NCOR2: variants seen among roughly 807,000 people sequenced by gnomAD.
The protein encoded by NCOR2 is nuclear receptor corepressor 2, also known as CTG repeat protein 26.
In NCOR2, 81 loss-of-function variants were observed where a neutral mutation model predicts 262.9. The ratio of observed to expected loss-of-function variants is 0.31; its 90% CI spans 0.26 to 0.37. The LOEUF (loss-of-function observed/expected upper bound fraction) is 0.37. NCOR2 is among the 10% of genes least tolerant of loss of function. NCOR2 has a pLI of 1.00. For synonymous variants in NCOR2, 1,659 were observed against 1,559.3 expected (o/e 1.06, Z -1.51); for missense variants, 3,385 against 3,621.4 (o/e 0.93, Z 1.68).
At chr12:124,551,236 G>A (rs1033392146) in intron 1 of NCOR2, among the ~76,000 whole-genome samples, 3 of 152,178 alleles carry the variant, frequency 2.0e-5, no homozygotes, top group Admixed American at 6.5e-5. Context: ...ACTCAGGTCT[G>A]CCGCTTGTCT....
intron 8 of NCOR2, among the ~76,000 whole-genome samples, chr12:124,435,621 T>C (rs1286859147): frequency 6.6e-6 from 1 of 152,106 alleles, no homozygotes; most frequent in African/African-American, 2.4e-5. Flanking sequence ...AGCCAGGACC[T>C]CCTGCCCCAG....
chr12:124,562,521 G>A (rs550169304), intron 1 of NCOR2, among the ~76,000 whole-genome samples: 75 of 145,834 alleles, frequency 5.1e-4, no homozygotes, highest in Non-Finnish European at 7.1e-4. Flanking sequence ...CCCCCACCCC[G>A]TCCTCCCCAC....
intron 4 of NCOR2, among the ~76,000 whole-genome samples, chr12:124,470,778 T>C (rs541050897): frequency 3.9e-5 from 6 of 152,318 alleles, no homozygotes; most frequent in Non-Finnish European, 7.3e-5. Context: ...TGCCACTGAA[T>C]TGTGCACTTT....
intron 1 of NCOR2, among the ~76,000 whole-genome samples, chr12:124,506,407 G>T (rs911774692): frequency 2.0e-5 from 3 of 152,110 alleles, no homozygotes; most frequent in Non-Finnish European, 4.4e-5. Flanking sequence ...GTTCCTGTCC[G>T]CTGGACGGCA....
Position 124,549,391 on chromosome 12 carries a change from G to T in NCOR2, c.-164-13780C>A, listed in dbSNP as rs780394865. ...AAGCCGCCTGCTCAGGTTCACGTTC[G>T]GGATCAAATGAACCCACTTAATCCC... On this transcript the variant is annotated intron_variant, in intron 1 of 32. Transcript: ENST00000458234. The surrounding 1 kb of genome is among the most constrained non-coding windows in gnomAD (Gnocchi z 4.4). Among the ~76,000 whole-genome samples the T allele has an allele frequency of 6.6e-6, 1 of 152,122 alleles. No individual in the cohort carries two copies. The highest frequency in any genetic ancestry group is 6.6e-5 in the Admixed American group (1 of 15,266).
At position 124,378,451 on chromosome 12, in the gene NCOR2, C is replaced by T; in HGVS notation, c.2020-67G>A. 6.7e-7 allele frequency: 1 copy of T among 1,488,324 alleles called. No homozygotes were observed. 92.2% of individuals were successfully genotyped at this position (1,488,324 alleles called of 1,614,324 possible). A position where few individuals can be genotyped will look rare whatever the true frequency, so the allele number is the denominator to read the frequency against. On this transcript the variant is annotated intron_variant, in intron 17 of 46. Coordinates refer to ENST00000405201, the Ensembl canonical transcript of NCOR2. The surrounding 1 kb of genome is among the most constrained non-coding windows in gnomAD (Gnocchi z 4.2). Reference sequence around the variant, plus strand: ...CTGTCAGCTCGGGGACTCCCCATGCCTGGGGCCTCGCCGCAGGTGCAAAGG... The same window carrying T: ...CTGTCAGCTCGGGGACTCCCCATGCTTGGGGCCTCGCCGCAGGTGCAAAGG...
At chr12:124,567,086 G>A (rs2052270010) in intron 1 of NCOR2, among the ~76,000 whole-genome samples, 5 of 151,998 alleles carry the variant, frequency 3.3e-5, no homozygotes, top group African/African-American at 1.2e-4. Flanking sequence ...CCTCGCTAGG[G>A]AGCTGGAGTT....
At chr12:124,489,234 C>T (rs2047946062) in intron 1 of NCOR2, among the ~76,000 whole-genome samples, 1 of 152,052 alleles carries the variant, frequency 6.6e-6, no homozygotes, top group Non-Finnish European at 1.5e-5. Context: ...GGAGAGCTCC[C>T]CAACGCGACA....
At chr12:124,385,037 AGGGAGGAAGGG>A (rs1343675053) in intron 17 of NCOR2, among the ~76,000 whole-genome samples, 1 of 151,792 alleles carries the variant, frequency 6.6e-6, no homozygotes, top group Non-Finnish European at 1.5e-5. Context: ...GGGAGAAAGG[AGGGAGGAAGGG>A]AAGGAGGAGG....
chr12:124,350,256 A>G (rs2037334653), intron 28 of NCOR2, among the ~76,000 whole-genome samples: 1 of 152,128 alleles, frequency 6.6e-6, no homozygotes, highest in South Asian at 2.1e-4. Flanking sequence ...TTCATGGCCA[A>G]TGAGAGAGTG....
At chr12:124,336,800 G>C (rs368744652) in exon 38 of NCOR2, 1 of 1,613,412 alleles carries the variant, frequency 6.2e-7, no homozygotes, top group Non-Finnish European at 8.5e-7. Flanking sequence ...TTTACTTTGA[G>C]TCTTTTCCCG....
intron 18 of NCOR2, among the ~76,000 whole-genome samples, chr12:124,376,604 T>C (rs2040019319): frequency 6.6e-6 from 1 of 152,276 alleles, no homozygotes; most frequent in Non-Finnish European, 1.5e-5. Context: ...CCAGACTCAG[T>C]GTCCCTGACC....
chr12:124,500,994 G>A (rs2048678324), intron 1 of NCOR2, among the ~76,000 whole-genome samples: 1 of 152,020 alleles, frequency 6.6e-6, no homozygotes, highest in African/African-American at 2.4e-5. Context: ...GCAGGTGGGG[G>A]AGCCTCGGGA....
chr12:124,414,353 C>T (rs73225421), intron 13 of NCOR2, among the ~76,000 whole-genome samples: 5,815 of 152,292 alleles, frequency 0.038, 161 homozygotes, highest in Non-Finnish European at 0.058. Context: ...CAGTGTGTGG[C>T]GATAGTGCTG....
intron 1 of NCOR2, among the ~76,000 whole-genome samples, chr12:124,506,269 G>T (rs1020543799): frequency 2.6e-5 from 4 of 152,182 alleles, no homozygotes; most frequent in African/African-American, 9.7e-5. Context: ...CAGGATACGG[G>T]TGCCCAAACC....
Position 124,342,624 on chromosome 12 carries a change from T to C in NCOR2, c.4936+381A>G, listed in dbSNP as rs576014227. ...ACCTTGTGATCCGCCTGCCTCGGCC[T>C]CCCAAAGTGCTGGGATTACAGGTGT... On this transcript the variant is annotated intron_variant, in intron 33 of 46. Coordinates refer to ENST00000405201, the Ensembl canonical transcript of NCOR2. Among the ~76,000 whole-genome samples, 6 of 152,286 alleles carry C rather than the reference T, an allele frequency of 3.9e-5. No individual in the cohort carries two copies. In the South Asian group the frequency reaches 1.2e-3, roughly 32 times the overall value.
intron 1 of NCOR2, among the ~76,000 whole-genome samples, chr12:124,547,546 A>G (rs571465421): frequency 4.6e-5 from 7 of 152,180 alleles, no homozygotes; most frequent in African/African-American, 1.4e-4. Context: ...AACCACTATA[A>G]AGTAGGCAGC....
At chr12:124,428,086 T>TGTGTGTGTGTGCGC (rs958627720) in intron 10 of NCOR2, among the ~76,000 whole-genome samples, 8 of 147,052 alleles carry the variant, frequency 5.4e-5, no homozygotes, top group Admixed American at 2.0e-4. Context: ...TGTGTGTGTG[T>TGTGTGTGTGTGCGC]GTACATGCAA....
intron 28 of NCOR2, 132 bp downstream of exon 30, chr12:124,350,455 G>A: frequency 1.7e-6 from 2 of 1,190,988 alleles, no homozygotes; most frequent in South Asian, 1.5e-5. Flanking sequence ...ATACCTGCAG[G>A]GATAAGGAGG....
Sources: gnomAD v4.1 joint callset for allele counts (sites outside exome capture counted in the v4.1 genomes callset) on GRCh38, gnomAD v4.1.1 for gene constraint, Gnocchi (gnomAD v3.1) non-coding constraint, MANE v1.5 for transcripts, NCBI Gene and HGNC (gene_info 2026-07-23, HGNC 2026-07-21) for gene names.